Variants in ELAPOR2 observed in about 807,000 individuals in gnomAD.
ELAPOR2 encodes the protein endosome-lysosome associated apoptosis and autophagy regulator family member 2, also known as endosome/lysosome-associated apoptosis and autophagy regulator family member 2.
In ELAPOR2, 89 loss-of-function variants were observed where a neutral mutation model predicts 120.7. That is an observed-to-expected ratio of 0.74 (90% CI 0.62 to 0.88). The LOEUF (loss-of-function observed/expected upper bound fraction) is 0.88, where lower values mean the gene tolerates loss of function less well. ELAPOR2 is among the 40% of genes least tolerant of loss of function. ELAPOR2 has a pLI of 0.00. For synonymous variants in ELAPOR2, 444 were observed against 444.9 expected (o/e 1.00, Z 0.03); for missense variants, 1,134 against 1,251.6 (o/e 0.91, Z 1.42).
chr7:87,046,961 A>G (rs1026768444), intron 1 of ELAPOR2, among the ~76,000 whole-genome samples: 3 of 152,236 alleles, frequency 2.0e-5, no homozygotes, highest in Non-Finnish European at 4.4e-5. Context: ...AGTAACCAAA[A>G]TAGCATGATA....
At chr7:87,045,036 T>A (rs576505755) in intron 1 of ELAPOR2, among the ~76,000 whole-genome samples, 1,912 of 137,850 alleles carry the variant, frequency 0.014, 47 homozygotes, top group African/African-American at 0.053. Flanking sequence ...ATCAGAGAAA[T>A]GCAAATCAAA....
At position 86,892,736 on chromosome 7, in the gene ELAPOR2, C is replaced by T. The variant is rs549709324; in HGVS notation, c.2864+186G>A. On this transcript the variant is annotated intron_variant, in intron 20 of 21. Transcript: ENST00000450689. Reference sequence around the variant, plus strand: ...TGATCTCTAATGTTCTATGATCTTTCTACTGTCAGAATAACAATCGTTTCC... The same window carrying T: ...TGATCTCTAATGTTCTATGATCTTTTTACTGTCAGAATAACAATCGTTTCC... Among the ~76,000 whole-genome samples, 16 of 152,134 alleles carry T rather than the reference C, an allele frequency of 1.1e-4. No individual in the cohort carries two copies. The East Asian group carries it at 3.1e-3, about 29-fold the overall frequency.
intron 2 of ELAPOR2, among the ~76,000 whole-genome samples, chr7:86,963,332 C>T (rs1159365137): frequency 6.6e-6 from 1 of 152,156 alleles, no homozygotes; most frequent in African/African-American, 2.4e-5. Flanking sequence ...CCTATGCAGG[C>T]ATCAATTCTG....
intron 1 of ELAPOR2, among the ~76,000 whole-genome samples, chr7:87,041,747 A>C (rs1794795045): frequency 1.3e-5 from 2 of 151,986 alleles, no homozygotes; most frequent in South Asian, 4.1e-4. Context: ...ACAGGATCAA[A>C]TTCACACATA....
Position 86,973,209 on chromosome 7 carries a change from C to T in ELAPOR2, c.190-8185G>A, listed in dbSNP as rs529877225. Reference sequence around the variant, plus strand: ...AACCCCAGAATGACTTACCATTGGCCTGAGGATAAAGTCTACAATCTTGGA... The same window carrying T: ...AACCCCAGAATGACTTACCATTGGCTTGAGGATAAAGTCTACAATCTTGGA... On this transcript the variant is annotated intron_variant, in intron 1 of 21. Transcript: ENST00000450689. 2.6e-5 allele frequency among the ~76,000 whole-genome samples: 4 copies of T among 152,250 alleles called. No homozygotes were observed. In the South Asian group the frequency reaches 8.3e-4, roughly 32 times the overall value.
At chr7:86,980,837 A>G (rs1436477448) in intron 1 of ELAPOR2, among the ~76,000 whole-genome samples, 3 of 152,146 alleles carry the variant, frequency 2.0e-5, no homozygotes, top group African/African-American at 7.2e-5. Flanking sequence ...TCCCCTCAAC[A>G]AATAAATGAT....
At chr7:87,047,205 A>G (rs1182210627) in intron 1 of ELAPOR2, among the ~76,000 whole-genome samples, 2 of 152,210 alleles carry the variant, frequency 1.3e-5, no homozygotes, top group Admixed American at 6.5e-5. Context: ...ATTAAAACTT[A>G]AATCGAAGAC....
chr7:86,894,437 G>GA (rs1346775772), intron 19 of ELAPOR2, among the ~76,000 whole-genome samples: 3 of 151,692 alleles, frequency 2.0e-5, no homozygotes, highest in Non-Finnish European at 4.4e-5. Context: ...ATTCTAACAA[G>GA]AAAAAAAGAC....
intron 21 of ELAPOR2, chr7:86,891,275 T>C (rs900683324): frequency 6.6e-6 from 1 of 152,362 alleles, no homozygotes; most frequent in African/African-American, 2.4e-5. Context: ...CACAAAAATG[T>C]ATTGCTTTCA....
chr7:86,907,687 T>C lies in ELAPOR2; in HGVS notation c.2541A>G (p.Gly847=). 1.3e-6 allele frequency: 2 copies of C among 1,577,592 alleles called. No individual in the cohort carries two copies. Among genetic ancestry groups the C allele is most frequent in the Non-Finnish European group, 1.7e-6 (2 of 1,167,608 alleles). ...MRCNPTKSGA[G]VISVPSKCPA... is the part of the protein sequence containing the mutation. ...AAGGATACCTGGGGACTGAAATCAC[T>C]CCTGCTCCAGATTTAGTAGGATTAC... Residue 847 remains glycine (G), a synonymous_variant, in exon 18 of 22, where the codon GGA becomes GGG. Coordinates refer to ENST00000450689, the MANE Select transcript of ELAPOR2 (RefSeq NM_001142749.3).
intron 2 of ELAPOR2, among the ~76,000 whole-genome samples, chr7:86,955,332 A>G (rs1791427340): frequency 6.6e-6 from 1 of 152,168 alleles, no homozygotes; most frequent in African/African-American, 2.4e-5. Flanking sequence ...TCTTAATCAC[A>G]GTAAAGCAGA....
At chr7:87,049,451 T>G (rs1795042763) in intron 1 of ELAPOR2, among the ~76,000 whole-genome samples, 1 of 151,996 alleles carries the variant, frequency 6.6e-6, no homozygotes, top group Non-Finnish European at 1.5e-5. Flanking sequence ...CTGGCTAATT[T>G]TTTGTATTTT....
intron 15 of ELAPOR2, 102 bp downstream of exon 15, chr7:86,911,970 G>C (rs1054828041): frequency 2.7e-5 from 32 of 1,180,442 alleles, no homozygotes; most frequent in Middle Eastern, 2.0e-4. Context: ...TCTGACACTT[G>C]GTTGATATCC....
At chr7:86,986,428 C>CACAAAAAA (rs1554401353) in intron 1 of ELAPOR2, among the ~76,000 whole-genome samples, 1 of 67,104 alleles carries the variant, frequency 1.5e-5, no homozygotes, top group African/African-American at 7.4e-5. Flanking sequence ...GACTCCGTCT[C>CACAAAAAA]AAAAAAAAAA....
intron 1 of ELAPOR2, among the ~76,000 whole-genome samples, chr7:87,033,990 G>A (rs893350901): frequency 2.6e-5 from 4 of 152,084 alleles, no homozygotes; most frequent in Non-Finnish European, 5.9e-5. Context: ...AGGGAACAAA[G>A]TCAGAGACAT....
chr7:86,928,500 A>C (rs1245653464), intron 8 of ELAPOR2, among the ~76,000 whole-genome samples: 1 of 151,956 alleles, frequency 6.6e-6, no homozygotes, highest in African/African-American at 2.4e-5. Flanking sequence ...CCCAGGTGGG[A>C]GTGGCGGGCG....
At chr7:87,045,755 T>G (rs188192766) in intron 1 of ELAPOR2, among the ~76,000 whole-genome samples, 349 of 151,186 alleles carry the variant, frequency 2.3e-3, no homozygotes, top group African/African-American at 8.2e-3. Context: ...ACTTAAAGTA[T>G]AATAAAAAAT....
chr7:87,013,447 A>C (rs1250813399), intron 1 of ELAPOR2, among the ~76,000 whole-genome samples: 3 of 152,194 alleles, frequency 2.0e-5, no homozygotes, highest in Non-Finnish European at 4.4e-5. Context: ...GATTATTTTT[A>C]AAATGCCCAG....
intron 1 of ELAPOR2, among the ~76,000 whole-genome samples, chr7:87,057,491 G>C (rs954804087): frequency 6.6e-6 from 1 of 152,120 alleles, no homozygotes; most frequent in Non-Finnish European, 1.5e-5. Flanking sequence ...ACAGCCAAAG[G>C]CAGGCTCAAT....
Sources: gnomAD v4.1 joint callset for allele counts (sites outside exome capture counted in the v4.1 genomes callset) on GRCh38, gnomAD v4.1.1 for gene constraint, MANE v1.5 for transcripts, NCBI Gene and HGNC (gene_info 2026-07-23, HGNC 2026-07-21) for gene names.